The following ESR1 variants were observed in gnomAD, a reference collection of about 807,000 sequenced individuals.
ESR1 encodes the protein estrogen receptor 1, also known as estrogen receptor.
A neutral mutation model predicts 52.7 loss-of-function variants in ESR1; 12 were observed. The observed-to-expected ratio is 0.23, with a 90% CI of 0.15 to 0.37. ESR1 has a LOEUF of 0.37. ESR1 is among the 10% of genes least tolerant of loss of function. The pLI, the probability that ESR1 is intolerant of heterozygous loss-of-function variation, is 1.00. For missense variants in ESR1, 584 were observed against 779.7 expected (o/e 0.75, Z 2.99); for synonymous variants, 305 against 316.8 (o/e 0.96, Z 0.39).
At chr6:152,023,561 A>C (rs1462812141) in intron 5 of ESR1, among the ~76,000 whole-genome samples, 1 of 152,232 alleles carries the variant, frequency 6.6e-6, no homozygotes, top group Non-Finnish European at 1.5e-5. Flanking sequence ...ATAAACTTAT[A>C]ATAATTCTGT....
chr6:151,839,193 A>G lies in ESR1; in HGVS notation c.453-3404A>G, dbSNP rs148670905. Among the ~76,000 whole-genome samples, 1,061 of 152,288 alleles carry G rather than the reference A, an allele frequency of 7.0e-3. 7 individuals carry two copies. Among genetic ancestry groups the G allele is most frequent in the African/African-American group, 0.025 (1,021 of 41,548 alleles). ...TAAGTAGCAGAAGAGAAATAAAAAA[A>G]TCTTCTAGAGAGTTCAGAACAGGGA... is the stretch of plus-strand genomic sequence containing the variant. On this transcript the variant is annotated intron_variant, in intron 1 of 7. Coordinates refer to ENST00000206249, the MANE Select transcript of ESR1 (RefSeq NM_000125.4).
At chr6:152,054,723 A>G (rs773212722) in intron 5 of ESR1, among the ~76,000 whole-genome samples, 1 of 152,128 alleles carries the variant, frequency 6.6e-6, no homozygotes, top group Non-Finnish European at 1.5e-5. Flanking sequence ...AGATTACTCA[A>G]TATTCCCTGA....
At chr6:151,785,021 G>A (rs1373329507) in intron 2 of ESR1, among the ~76,000 whole-genome samples, 2 of 152,194 alleles carry the variant, frequency 1.3e-5, no homozygotes, top group African/African-American at 2.4e-5. Context: ...GTTATGAGGG[G>A]GAACTGTACA....
intron 4 of ESR1, among the ~76,000 whole-genome samples, chr6:151,980,014 T>C (rs1263197372): frequency 6.6e-6 from 1 of 152,236 alleles, no homozygotes; most frequent in Non-Finnish European, 1.5e-5. Flanking sequence ...ATGTATTTTT[T>C]TTAAATGACA....
At chr6:151,824,920 C>CAA (rs11308325) in intron 1 of ESR1, among the ~76,000 whole-genome samples, 18 of 135,932 alleles carry the variant, frequency 1.3e-4, no homozygotes, top group South Asian at 1.2e-3. Flanking sequence ...GACTCCATCT[C>CAA]AAAAAAAAAA....
chr6:151,820,217 T>C (rs1475389403), intron 1 of ESR1, among the ~76,000 whole-genome samples: 1 of 152,160 alleles, frequency 6.6e-6, no homozygotes, highest in East Asian at 1.9e-4. Flanking sequence ...CAGGTGAGGT[T>C]GTGAAGAGGA....
At position 151,808,340 on chromosome 6, in the gene ESR1, A is replaced by C; in HGVS notation, c.428A>C (p.Glu143Ala). ...GAGCCCAGCGGCTACACGGTGCGCG[A>C]GGCCGGCCCGCCGGCATTCTACAGG... ...ENEPSGYTVR[E>A]AGPPAFYRPN... Residue 143 changes from glutamate to alanine, a missense_variant, in exon 1 of 8, where the codon GAG becomes GCG. Physicochemically the swap from Glu to Ala is moderately radical, Grantham distance 107. Transcript: ENST00000206249. 1 of 1,376,290 alleles carries C rather than the reference A, an allele frequency of 7.3e-7. No homozygotes were observed. The highest frequency in any genetic ancestry group is 9.6e-7 in the Non-Finnish European group (1 of 1,046,644). The allele number at this position is 1,376,290 out of a possible 1,614,324, so 85.3% of individuals were successfully genotyped here.
intron 3 of ESR1, among the ~76,000 whole-genome samples, chr6:151,928,892 A>G (rs77621100): frequency 0.02 from 2,986 of 151,976 alleles, 58 homozygotes; most frequent in East Asian, 0.094. Flanking sequence ...GTTGATTTCT[A>G]ATTTATTTCC....
chr6:151,704,798 G>T (rs989119951), intron 2 of ESR1, among the ~76,000 whole-genome samples: 10 of 152,068 alleles, frequency 6.6e-5, no homozygotes, highest in African/African-American at 2.2e-4. Context: ...GCGAACTAAG[G>T]CTTAGAAAAA....
intron 3 of ESR1, among the ~76,000 whole-genome samples, chr6:151,925,631 G>A (rs918575146): frequency 2.0e-5 from 3 of 151,950 alleles, no homozygotes; most frequent in Admixed American, 1.3e-4. Flanking sequence ...ACATACATAC[G>A]TACATACATA....
rs142665271 is a variant in ESR1, at chr6:151,667,719, C to T, written n.73+10956C>T. Among the ~76,000 whole-genome samples, 673 of 152,162 alleles carry T rather than the reference C, an allele frequency of 4.4e-3. 3 individuals are homozygous for T. The highest frequency in any genetic ancestry group is 7.9e-3 in the Admixed American group (120 of 15,286). On this transcript the variant is annotated intron_variant and non_coding_transcript_variant, in intron 1 of 2. Coordinates refer to the ESR1 transcript ENST00000473497. ...CTTGTTTGCAGGGAGAGGAAGACAG[C>T]GACAAAGCATTTCTATGGAAAGAAG...
At chr6:152,039,763 G>A (rs529562204) in intron 5 of ESR1, among the ~76,000 whole-genome samples, 8 of 152,224 alleles carry the variant, frequency 5.3e-5, no homozygotes, top group South Asian at 2.1e-4. Flanking sequence ...AAGTATTGTC[G>A]CCTAGTTGGC....
chr6:151,948,489 G>A (rs1584409831), intron 4 of ESR1, among the ~76,000 whole-genome samples: 2 of 152,120 alleles, frequency 1.3e-5, no homozygotes, highest in Non-Finnish European at 2.9e-5. Context: ...GTTGGCCCAG[G>A]AAGAGGAAAA....
At chr6:151,997,081 C>A (rs1450193855) in intron 4 of ESR1, among the ~76,000 whole-genome samples, 32 of 145,074 alleles carry the variant, frequency 2.2e-4, no homozygotes, top group Non-Finnish European at 3.4e-4. Context: ...AAAACAAAAA[C>A]AAAAAAAAAA....
At chr6:151,985,643 G>A (rs1054021189) in intron 4 of ESR1, among the ~76,000 whole-genome samples, 7 of 150,902 alleles carry the variant, frequency 4.6e-5, no homozygotes, top group African/African-American at 1.7e-4. Context: ...CATGTCGGAT[G>A]GGGCAATCGT....
intron 1 of ESR1, among the ~76,000 whole-genome samples, chr6:151,821,394 CTGTT>C (rs1780533951): frequency 6.6e-6 from 1 of 152,218 alleles, no homozygotes; most frequent in Admixed American, 6.5e-5. Context: ...TTTTTAACCT[CTGTT>C]TGTCGAGTCG....
chr6:151,993,535 C>G (rs766294792), intron 4 of ESR1, among the ~76,000 whole-genome samples: 2 of 152,198 alleles, frequency 1.3e-5, no homozygotes, highest in African/African-American at 4.8e-5. Flanking sequence ...AGGGCACATG[C>G]CTTGTTCCCA....
At chr6:152,071,469 G>A (rs1249158136) in intron 6 of ESR1, among the ~76,000 whole-genome samples, 1 of 152,186 alleles carries the variant, frequency 6.6e-6, no homozygotes, top group African/African-American at 2.4e-5. Context: ...CTTTGGGCAA[G>A]TTGCTTAAAC....
At chr6:151,888,925 T>G (rs192806130) in intron 3 of ESR1, among the ~76,000 whole-genome samples, 1 of 152,300 alleles carries the variant, frequency 6.6e-6, no homozygotes, top group Non-Finnish European at 1.5e-5. Flanking sequence ...ATTGAGATGA[T>G]TGTATGGTTT....
Sources: gnomAD v4.1 joint callset for allele counts (sites outside exome capture counted in the v4.1 genomes callset) on GRCh38, gnomAD v4.1.1 for gene constraint, MANE v1.5 for transcripts, NCBI Gene and HGNC (gene_info 2026-07-23, HGNC 2026-07-21) for gene names.